The following CKAP5 variants were observed in gnomAD, a reference collection of about 807,000 sequenced individuals.
CKAP5 encodes cytoskeleton associated protein 5, also known as cytoskeleton-associated protein 5.
A neutral mutation model predicts 232.8 loss-of-function variants in CKAP5; 27 were observed. The observed-to-expected ratio is 0.12, with a 90% CI of 0.09 to 0.16. The LOEUF (loss-of-function observed/expected upper bound fraction) is 0.16. CKAP5 is among the 10% of genes least tolerant of loss of function. CKAP5 has a pLI of 1.00. For synonymous variants in CKAP5, 785 were observed against 841.1 expected, an observed-to-expected ratio of 0.93 and a Z score of 1.16; for missense variants, 1,838 against 2,424.7, an observed-to-expected ratio of 0.76 and a Z score of 5.08.
rs76227812 is a variant in CKAP5, at chr11:46,844,438, A to G, written c.-38+1782T>C. Reference sequence around the variant, plus strand: ...AAAAAACAAACAAACAAACAAACAAAAAACACCAAAAAAACAGGTGCTGCT... The same window carrying G: ...AAAAAACAAACAAACAAACAAACAAGAAACACCAAAAAAACAGGTGCTGCT... On this transcript the variant is annotated intron_variant, in intron 1 of 43. Coordinates refer to ENST00000529230, the MANE Select transcript of CKAP5 (RefSeq NM_001008938.4). Among the ~76,000 whole-genome samples, 513 of 152,290 alleles carry G rather than the reference A, an allele frequency of 3.4e-3. 1 individual carries two copies. Among genetic ancestry groups the G allele is most frequent in the African/African-American group, 0.012 (497 of 41,560 alleles).
chr11:46,756,092 A>C (rs2065108971), intron 35 of CKAP5, among the ~76,000 whole-genome samples: 1 of 152,194 alleles, frequency 6.6e-6, no homozygotes, highest in Non-Finnish European at 1.5e-5. Flanking sequence ...CAGCTTTCTC[A>C]CATACTGGTC....
At chr11:46,790,232 A>C in intron 14 of CKAP5, 46 bp from the exon 15 acceptor site, 1 of 1,323,336 alleles carries the variant, frequency 7.6e-7, no homozygotes, top group Non-Finnish European at 1.1e-6. Context: ...GCTTAAGGGA[A>C]CAGATGACAA....
chr11:46,790,661 G>A, intron 13 of CKAP5, 78 bp from the exon 14 acceptor site: 2 of 1,022,498 alleles, frequency 2.0e-6, no homozygotes. Context: ...TATTTTTTTT[G>A]AGACAGTGTC....
In CKAP5 at chr11:46,744,552, T is replaced by C. The variant is rs1478839745; in HGVS notation, c.5730A>G (p.Thr1910=). 3 of 1,614,046 alleles carry C rather than the reference T, an allele frequency of 1.9e-6. No homozygotes were observed. The highest frequency in any genetic ancestry group is 2.5e-6 in the Non-Finnish European group (3 of 1,179,914). ...STGISPQMEV[T]CVPTPTSTVS... ...CTGTGCTTGTGGGCGTGGGCACACA[T>C]GTGACTTCCATCTGAGGGGAGATGC... is the stretch of plus-strand genomic sequence containing the variant. Residue 1910 remains threonine (T), a synonymous_variant, in exon 43 of 44, where the codon ACA becomes ACG. Transcript: ENST00000529230.
chr11:46,841,090 G>T (rs1392407453), intron 1 of CKAP5, among the ~76,000 whole-genome samples: 2 of 152,096 alleles, frequency 1.3e-5, no homozygotes, highest in Admixed American at 6.5e-5. Context: ...CCAAAATGGA[G>T]AAACCCCGTC....
chr11:46,784,583 C>A lies in CKAP5; in HGVS notation c.2059G>T (p.Val687Leu), dbSNP rs1329464166. 1 of 1,613,980 alleles carries A rather than the reference C, an allele frequency of 6.2e-7. No individual in the cohort carries two copies. The highest frequency in any genetic ancestry group is 2.2e-5 in the East Asian group (1 of 44,886). ...TSAQVVLDGL[V>L]DKIGDVKCGN... is the part of the protein sequence containing the mutation. ...CATTTCACATCTCCAATCTTGTCCACAAGGCCATCTAATACAACCTGAGCT... is the reference window on the plus strand; with the variant it reads ...CATTTCACATCTCCAATCTTGTCCAAAAGGCCATCTAATACAACCTGAGCT... The change falls in exon 17 of 44, where the codon GTG becomes TTG. Residue 687 changes from valine (V) to leucine (L), a missense_variant. By Grantham distance (32) the Val-to-Leu change is conservative (BLOSUM62 1). Transcript: ENST00000529230.
chr11:46,798,912 T>C (rs1289594787), intron 9 of CKAP5, among the ~76,000 whole-genome samples: 2 of 152,218 alleles, frequency 1.3e-5, no homozygotes, highest in African/African-American at 4.8e-5. Flanking sequence ...AAAGCAAACA[T>C]TTAAGTGGAA....
At chr11:46,751,950 C>G (rs2065067333) in intron 38 of CKAP5, among the ~76,000 whole-genome samples, 1 of 151,778 alleles carries the variant, frequency 6.6e-6, no homozygotes, top group Non-Finnish European at 1.5e-5. Flanking sequence ...CATTTGGTCT[C>G]TTTCACAAAA....
intron 35 of CKAP5, among the ~76,000 whole-genome samples, chr11:46,758,363 C>T (rs1234590718): frequency 6.6e-6 from 1 of 152,182 alleles, no homozygotes; most frequent in Non-Finnish European, 1.5e-5. Context: ...TACTCACTTC[C>T]TTTCCGTCAT....
At chr11:46,826,537 C>A (rs1455928449) in intron 1 of CKAP5, among the ~76,000 whole-genome samples, 1 of 152,210 alleles carries the variant, frequency 6.6e-6, no homozygotes, top group African/African-American at 2.4e-5. Context: ...AAAGCCAGGT[C>A]GTGGGCACTG....
intron 24 of CKAP5, 25 bp from the exon 25 acceptor site, chr11:46,771,007 T>A (rs749201010): frequency 6.3e-7 from 1 of 1,591,978 alleles, no homozygotes; most frequent in Non-Finnish European, 8.6e-7. Flanking sequence ...AAAGACTAGT[T>A]ACACACTTCA....
At chr11:46,844,066 CA>C (rs1940121967) in intron 1 of CKAP5, among the ~76,000 whole-genome samples, 1 of 151,812 alleles carries the variant, frequency 6.6e-6, no homozygotes, top group African/African-American at 2.4e-5. Flanking sequence ...ACTAAAAATA[CA>C]AAAAATTAGC....
rs1443670740 is a variant in CKAP5 at position 46,759,344 on chromosome 11, A to G, written c.4493T>C (p.Val1498Ala). 108 of 1,613,970 alleles carry G rather than the reference A, an allele frequency of 6.7e-5. No individual in the cohort carries two copies. Among genetic ancestry groups the G allele is most frequent in the Non-Finnish European group, 8.9e-5 (105 of 1,180,022 alleles). ...LDEIENDNGT[V>A]RCEMPELVQH... ...AACAAGTTCTGGCATTTCACATCGG[A>G]CTGTACCATTGTCATTCTCAATCTC... Residue 1498 changes from valine (V) to alanine (A), a missense_variant, in exon 34 of 44, where the codon GTC becomes GCC. Val to Ala is a moderately conservative substitution (Grantham distance 64). Around this residue, in one of 6 missense-constraint regions of CKAP5, gnomAD observed 579 missense variants for 843.2 expected, o/e 0.69. Coordinates refer to ENST00000529230, the MANE Select transcript of CKAP5 (RefSeq NM_001008938.4).
intron 3 of CKAP5, among the ~76,000 whole-genome samples, chr11:46,817,014 G>A (rs1235262945): frequency 1.3e-5 from 2 of 151,732 alleles, no homozygotes; most frequent in Non-Finnish European, 2.9e-5. Flanking sequence ...GCTGAGGCAG[G>A]AGAATCACTT....
chr11:46,818,254 A>G (rs1262031137), intron 3 of CKAP5, 56 bp downstream of exon 3: 1 of 1,360,886 alleles, frequency 7.3e-7, no homozygotes, highest in East Asian at 2.4e-5. Context: ...ACAAACATAC[A>G]TTATGTAACA....
intron 7 of CKAP5, among the ~76,000 whole-genome samples, chr11:46,808,398 G>A (rs1216215547): frequency 3.9e-5 from 6 of 152,164 alleles, no homozygotes; most frequent in East Asian, 1.9e-4. Flanking sequence ...AAAATTAGCC[G>A]GGCGTGGTGG....
At chr11:46,752,773 A>G (rs947456447) in intron 37 of CKAP5, 63 bp from the exon 38 acceptor site, 1 of 1,287,010 alleles carries the variant, frequency 7.8e-7, no homozygotes, top group Non-Finnish European at 1.1e-6. Context: ...TAGAATCAGC[A>G]GTTGAAAGGG....
At chr11:46,775,255 G>A (rs2065280967) in intron 24 of CKAP5, among the ~76,000 whole-genome samples, 1 of 152,236 alleles carries the variant, frequency 6.6e-6, no homozygotes, top group African/African-American at 2.4e-5. Flanking sequence ...CTGGTCATTA[G>A]AGAAATGCAA....
In CKAP5 at chr11:46,762,469, C is replaced by T. The variant is rs574346401; in HGVS notation, c.4027+158G>A. 8 of 986,068 alleles carry T rather than the reference C, an allele frequency of 8.1e-6. No homozygotes were observed. In the Admixed American group the frequency reaches 1.4e-4, roughly 17 times the overall value. The allele number at this position is 986,068 out of a possible 1,614,324, so 61.1% of individuals were successfully genotyped here. On this transcript the variant is annotated intron_variant, in intron 31 of 43. Transcript: ENST00000529230. ...GTGCCTGTATCACCTGATACCATGG[C>T]TCCACCAGTGTGCAACTCATCACTC...
Sources: allele counts gnomAD v4.1 joint callset (sites outside exome capture counted in the v4.1 genomes callset), GRCh38; gene constraint gnomAD v4.1.1; regional missense constraint gnomAD v4.1.1; transcripts MANE v1.5; gene names NCBI Gene and HGNC (gene_info 2026-07-23, HGNC 2026-07-21).